ADCY5: variants seen among roughly 807,000 people sequenced by gnomAD.
The protein encoded by ADCY5 is adenylate cyclase type 5.
In ADCY5, 30 loss-of-function variants were observed where a neutral mutation model predicts 119.7. That is an observed-to-expected ratio of 0.25 (90% CI 0.19 to 0.34). The LOEUF is 0.34. Among genes scored for constraint, ADCY5 ranks in the 10% least tolerant of loss-of-function variants. The probability of loss-of-function intolerance (pLI) is 1.00; values close to 1 mark genes in which losing one functional copy is unlikely to be tolerated. For synonymous variants in ADCY5, 753 were observed against 762.2 expected (o/e 0.99, Z 0.20); for missense variants, 1,324 against 1,775.2 (o/e 0.75, Z 4.57).
chr3:123,409,290 G>A (rs1388945922), intron 1 of ADCY5, among the ~76,000 whole-genome samples: 1 of 152,136 alleles, frequency 6.6e-6, no homozygotes, highest in Non-Finnish European at 1.5e-5. Context: ...GCTGTGCTAG[G>A]TGCCATGGGG....
Position 123,447,886 on chromosome 3 carries a change from C to G in ADCY5, c.660G>C (p.Lys220Asn). The change falls in exon 1 of 21, where the codon AAG becomes AAC. Residue 220 changes from lysine to asparagine, a missense_variant. This residue lies in a region of ADCY5 where 585 missense variants were observed against 569.9 expected (regional missense o/e 1.03). Coordinates refer to ENST00000462833, the MANE Select transcript of ADCY5 (RefSeq NM_183357.3). Reference sequence around the variant, plus strand: ...GCCGCTCCAGTTTGTCCGACGGGAACTTCTTGGAGCGGAATATCTGCAGCA... The same window carrying G: ...GCCGCTCCAGTTTGTCCGACGGGAAGTTCTTGGAGCGGAATATCTGCAGCA... ...LALLQIFRSK[K>N]FPSDKLERLY... 1 of 1,612,274 alleles carries G rather than the reference C, an allele frequency of 6.2e-7. No individual in the cohort carries two copies.
Position 123,328,822 on chromosome 3 carries a change from A to G in ADCY5, c.1647-20T>C. 1.2e-6 allele frequency: 2 copies of G among 1,611,732 alleles called. No homozygotes were observed. The highest frequency in any genetic ancestry group is 1.7e-6 in the Non-Finnish European group (2 of 1,178,434). ...ACCAACCTGGGGATGGAGCAGGAGT[A>G]AAGCTGGGAGAAGGCTGGAGGCCAG... On this transcript the variant is annotated intron_variant, in intron 5 of 20. Transcript: ENST00000462833.
intron 1 of ADCY5, among the ~76,000 whole-genome samples, chr3:123,383,919 A>C (rs1266469093): frequency 9.0e-6 from 1 of 111,044 alleles, no homozygotes; most frequent in Non-Finnish European, 1.7e-5. Context: ...CCCTTCCTCA[A>C]GGCATGCACA....
intron 2 of ADCY5, among the ~76,000 whole-genome samples, chr3:123,348,478 G>T (rs1336924740): frequency 6.6e-6 from 1 of 152,148 alleles, no homozygotes; most frequent in Non-Finnish European, 1.5e-5. Flanking sequence ...GTGCCACTAT[G>T]GGGGCACTGA....
intron 17 of ADCY5, among the ~76,000 whole-genome samples, chr3:123,295,173 C>A (rs567185584): frequency 6.6e-6 from 1 of 152,346 alleles, no homozygotes; most frequent in East Asian, 1.9e-4. Flanking sequence ...CAGCATCCAA[C>A]GAAAAGCAGG....
chr3:123,289,722 G>C, intron 19 of ADCY5, 28 bp downstream of exon 19: 1 of 1,610,692 alleles, frequency 6.2e-7, no homozygotes, highest in South Asian at 1.1e-5. Context: ...TGCACCCTGG[G>C]CTCAGCACTC....
At chr3:123,311,973 T>C (rs1466012050) in intron 12 of ADCY5, among the ~76,000 whole-genome samples, 2 of 151,560 alleles carry the variant, frequency 1.3e-5, no homozygotes, top group African/African-American at 2.4e-5. Flanking sequence ...AATTCAACAA[T>C]ACAAAAGAAG....
chr3:123,345,773 C>CACAG (rs1356964293), intron 3 of ADCY5, among the ~76,000 whole-genome samples: 7 of 76,878 alleles, frequency 9.1e-5, no homozygotes, highest in Non-Finnish European at 1.9e-4. Flanking sequence ...CAGACAGACA[C>CACAG]ACACACACAC....
intron 1 of ADCY5, among the ~76,000 whole-genome samples, chr3:123,371,277 C>T (rs1480100188): frequency 6.6e-6 from 1 of 152,116 alleles, no homozygotes; most frequent in African/African-American, 2.4e-5. Context: ...AGAATCTTCT[C>T]CTACAAAATA....
intron 4 of ADCY5, among the ~76,000 whole-genome samples, chr3:123,332,294 TG>T (rs1469572604): frequency 5.3e-5 from 8 of 151,608 alleles, no homozygotes. Flanking sequence ...CTTCCAAGGA[TG>T]GGGGGCATGG....
Position 123,448,041 on chromosome 3 carries a change from C to T in ADCY5, c.505G>A (p.Ala169Thr), listed in dbSNP as rs1304839135. Reference protein sequence around the residue: ...GLEERRGKGRAADELEAGAVE... With the variant: ...GLEERRGKGRTADELEAGAVE... ...GCGCCGGCCTCCAGCTCGTCGGCCGCGCGCCCCTTGCCCCGCCGCTCCTCC... is the reference window on the plus strand; with the variant it reads ...GCGCCGGCCTCCAGCTCGTCGGCCGTGCGCCCCTTGCCCCGCCGCTCCTCC... Residue 169 changes from alanine (A) to threonine (T), a missense_variant, in exon 1 of 21, where the codon GCG becomes ACG. Ala to Thr is a moderately conservative substitution (Grantham distance 58). Around this residue, in one of 6 missense-constraint regions of ADCY5, gnomAD observed 585 missense variants for 569.9 expected, o/e 1.03. Transcript: ENST00000462833. The T allele has an allele frequency of 1.0e-4, 127 of 1,244,484 alleles. No individual in the cohort carries two copies. Among genetic ancestry groups the T allele is most frequent in the Admixed American group, 3.0e-4 (8 of 26,252 alleles). The allele number at this position is 1,244,484 out of a possible 1,614,324, so 77.1% of individuals were successfully genotyped here.
intron 1 of ADCY5, among the ~76,000 whole-genome samples, chr3:123,403,449 A>G (rs929513728): frequency 2.1e-4 from 32 of 151,678 alleles, no homozygotes; most frequent in Non-Finnish European, 4.1e-4. Flanking sequence ...GGTTCATTCA[A>G]GCTGTGGCTC....
At chr3:123,427,305 C>G (rs1945435088) in intron 1 of ADCY5, among the ~76,000 whole-genome samples, 1 of 152,208 alleles carries the variant, frequency 6.6e-6, no homozygotes, top group Admixed American at 6.5e-5. Context: ...TACTCTCCTA[C>G]ACACAGCTTT....
In ADCY5 at chr3:123,352,453, C is replaced by T. The variant is rs145186295; in HGVS notation, c.1263G>A (p.Ser421=). 6.8e-6 allele frequency: 11 copies of T among 1,612,974 alleles called. No individual in the cohort carries two copies. Among genetic ancestry groups the T allele is most frequent in the South Asian group, 4.4e-5 (4 of 91,030 alleles). ...TCACCTGCTGCTGGTTCTCCCGCTG[C>T]GAGTGGAGCCGCGCCTGGATGCACT... The part of the protein sequence containing the change: ...TRECIQARLH[S]QRENQQQERL... Residue 421 remains serine (S), a synonymous_variant, in exon 2 of 21, where the codon TCG becomes TCA. Coordinates refer to ENST00000462833, the MANE Select transcript of ADCY5 (RefSeq NM_183357.3). This position sits in a 1 kb window ranked among gnomAD's most constrained non-coding sequence, Gnocchi z 4.8.
chr3:123,314,149 T>G (rs1940755831), intron 12 of ADCY5, 86 bp downstream of exon 12: 1 of 1,096,242 alleles, frequency 9.1e-7, no homozygotes, highest in South Asian at 1.4e-5. Context: ...TCGGGCCCCT[T>G]CACATTTTGG....
intron 1 of ADCY5, among the ~76,000 whole-genome samples, chr3:123,422,137 G>C (rs1945314746): frequency 6.6e-6 from 1 of 152,236 alleles, no homozygotes; most frequent in South Asian, 2.1e-4. Context: ...CTCCTGGGCA[G>C]AGGGGCACTT....
chr3:123,360,660 G>C (rs1943218489), intron 1 of ADCY5, among the ~76,000 whole-genome samples: 2 of 152,104 alleles, frequency 1.3e-5, no homozygotes, highest in East Asian at 1.9e-4. Flanking sequence ...CGATTCTAAA[G>C]TGTAATGTTT....
intron 1 of ADCY5, among the ~76,000 whole-genome samples, chr3:123,359,685 G>A (rs1373462560): frequency 6.6e-6 from 1 of 152,104 alleles, no homozygotes; most frequent in East Asian, 1.9e-4. Context: ...TGGGGGCAGA[G>A]AACCAGCTCC....
At chr3:123,362,435 T>C (rs913192387) in intron 1 of ADCY5, among the ~76,000 whole-genome samples, 4 of 152,240 alleles carry the variant, frequency 2.6e-5, no homozygotes, top group Non-Finnish European at 5.9e-5. Context: ...AGGGAGAGAA[T>C]GTCTTCTATA....
Sources: gnomAD v4.1 joint callset for allele counts (sites outside exome capture counted in the v4.1 genomes callset) on GRCh38, gnomAD v4.1.1 for gene constraint, gnomAD v4.1.1 regional missense constraint, Gnocchi (gnomAD v3.1) non-coding constraint, MANE v1.5 for transcripts, NCBI Gene and HGNC (gene_info 2026-07-23, HGNC 2026-07-21) for gene names.